Variants in ADGRV1 observed in about 807,000 individuals in gnomAD.
The protein encoded by ADGRV1 is adhesion G protein-coupled receptor V1.
ADGRV1 carries 359 observed loss-of-function variants against 596.2 expected under a neutral mutation model. The observed-to-expected ratio is 0.60, with a 90% confidence interval of 0.55 to 0.66. The LOEUF (loss-of-function observed/expected upper bound fraction) is 0.66, where lower values mean the gene tolerates loss of function less well. ADGRV1 is among the 30% of genes least tolerant of loss of function. ADGRV1 has a pLI of 0.00. For missense variants in ADGRV1, 7,274 were observed against 7,575.6 expected (o/e 0.96, Z 1.48); for synonymous variants, 2,681 against 2,679.2 (o/e 1.00, Z -0.02).
intron 77 of ADGRV1, among the ~76,000 whole-genome samples, chr5:90,837,663 G>T (rs1343652276): frequency 6.6e-6 from 1 of 151,706 alleles, no homozygotes; most frequent in South Asian, 2.1e-4. Flanking sequence ...ATTCTTCTTT[G>T]TGTTTATTAT....
intron 85 of ADGRV1, among the ~76,000 whole-genome samples, chr5:91,045,350 A>G (rs1021954143): frequency 6.6e-6 from 1 of 152,146 alleles, no homozygotes; most frequent in Non-Finnish European, 1.5e-5. Context: ...ATGATCAAGT[A>G]GGTTTCATAC....
In ADGRV1 at chr5:91,021,337, A is replaced by G. The variant is rs114492600; in HGVS notation, c.18152+35815A>G. Among the ~76,000 whole-genome samples the G allele has an allele frequency of 1.2e-3, 189 of 152,192 alleles. 1 individual carries two copies. The highest frequency in any genetic ancestry group is 4.4e-3 in the African/African-American group (183 of 41,548). On this transcript the variant is annotated intron_variant, in intron 85 of 89. Coordinates refer to ENST00000405460, the MANE Select transcript of ADGRV1 (RefSeq NM_032119.4). Reference sequence around the variant, plus strand: ...TTGAATTCTATACGGGGCCTAGCCTACTGTCTTTCCCTTGGTGGTATTATT... The same window carrying G: ...TTGAATTCTATACGGGGCCTAGCCTGCTGTCTTTCCCTTGGTGGTATTATT...
chr5:90,693,389 C>T (rs1374159436), intron 32 of ADGRV1, among the ~76,000 whole-genome samples: 1 of 152,006 alleles, frequency 6.6e-6, no homozygotes, highest in African/African-American at 2.4e-5. Flanking sequence ...ATACCTAATA[C>T]AATGTAAATG....
intron 89 of ADGRV1, among the ~76,000 whole-genome samples, chr5:91,155,602 T>G (rs193033791): frequency 6.6e-6 from 1 of 152,358 alleles, no homozygotes; most frequent in Non-Finnish European, 1.5e-5. Flanking sequence ...TAAAATGTTC[T>G]AGACCAAGGA....
chr5:90,904,127 G>A (rs1267954401), intron 83 of ADGRV1, among the ~76,000 whole-genome samples: 1 of 152,032 alleles, frequency 6.6e-6, no homozygotes, highest in Non-Finnish European at 1.5e-5. Context: ...ACTCCATTGT[G>A]TATGTGTACC....
chr5:90,633,446 T>G (rs1036794142), intron 9 of ADGRV1, among the ~76,000 whole-genome samples: 1 of 152,132 alleles, frequency 6.6e-6, no homozygotes. Context: ...GTTTAGCTCT[T>G]TTTGAATATA....
At chr5:90,788,436 A>C in intron 68 of ADGRV1, 126 bp downstream of exon 68, 1 of 915,844 alleles carries the variant, frequency 1.1e-6, no homozygotes, top group Non-Finnish European at 1.6e-6. Context: ...ATAATATCAT[A>C]ATAATTCTGA....
chr5:91,141,354 A>T (rs1795082912), intron 87 of ADGRV1, among the ~76,000 whole-genome samples: 1 of 152,240 alleles, frequency 6.6e-6, no homozygotes, highest in South Asian at 2.1e-4. Flanking sequence ...CTAGTTAATT[A>T]CTTAAACCAT....
rs1434888941 is a variant in ADGRV1 at position 90,903,779 on chromosome 5, TA to T, written c.17856+39923del. Among the ~76,000 whole-genome samples, 6 of 152,178 alleles carry T rather than the reference TA, an allele frequency of 3.9e-5. No homozygotes were observed. The East Asian group carries it at 5.8e-4, about 15-fold the overall frequency. The stretch of plus-strand genomic sequence containing the variant: ...CTTCATGTTACAAATAATGCAATTA[TA>T]TTTTTTTAGTTATTTTAAAGTATAC... On this transcript the variant is annotated intron_variant, in intron 83 of 89. Transcript: ENST00000405460.
chr5:90,568,145 C>T (rs1755893783), intron 1 of ADGRV1, among the ~76,000 whole-genome samples: 1 of 151,594 alleles, frequency 6.6e-6, no homozygotes, highest in Non-Finnish European at 1.5e-5. Flanking sequence ...TTCTTTGTTT[C>T]CTTCTGCTTG....
chr5:90,939,881 G>A (rs1776024680), intron 83 of ADGRV1, among the ~76,000 whole-genome samples: 1 of 152,116 alleles, frequency 6.6e-6, no homozygotes, highest in African/African-American at 2.4e-5. Context: ...CTGATTTCCT[G>A]GAGAGATTAA....
intron 21 of ADGRV1, among the ~76,000 whole-genome samples, chr5:90,662,154 G>C (rs923023055): frequency 6.6e-6 from 1 of 150,454 alleles, no homozygotes; most frequent in African/African-American, 2.4e-5. Flanking sequence ...TCAGCCTTTT[G>C]GCAATATTGT....
intron 73 of ADGRV1, 124 bp downstream of exon 73, chr5:90,807,861 A>G (rs16869151): frequency 0.03 from 25,523 of 864,642 alleles, 1,965 homozygotes; most frequent in East Asian, 0.29. Flanking sequence ...GTTTTAGTGT[A>G]GAGCATCACG....
intron 50 of ADGRV1, among the ~76,000 whole-genome samples, chr5:90,733,920 C>A (rs1752878333): frequency 6.6e-6 from 1 of 152,134 alleles, no homozygotes; most frequent in Non-Finnish European, 1.5e-5. Context: ...CCACCAACTT[C>A]CCATTCTCTT....
intron 83 of ADGRV1, among the ~76,000 whole-genome samples, chr5:90,911,702 T>C (rs1255893126): frequency 6.6e-6 from 1 of 152,196 alleles, no homozygotes; most frequent in African/African-American, 2.4e-5. Context: ...TTGGGTTAAA[T>C]TGTATCCCTC....
At chr5:90,998,282 TGTAC>T (rs1447456016) in intron 85 of ADGRV1, among the ~76,000 whole-genome samples, 1 of 152,236 alleles carries the variant, frequency 6.6e-6, no homozygotes, top group East Asian at 1.9e-4. Flanking sequence ...TGAGTGCTGC[TGTAC>T]TAGAATACCA....
At chr5:91,086,123 CA>C (rs1789852896) in intron 86 of ADGRV1, among the ~76,000 whole-genome samples, 1 of 152,296 alleles carries the variant, frequency 6.6e-6, no homozygotes, top group East Asian at 1.9e-4. Context: ...TGCTAACTCC[CA>C]GGTCATAGCC....
chr5:90,832,003 A>T (rs546421682), intron 77 of ADGRV1, among the ~76,000 whole-genome samples: 52 of 152,268 alleles, frequency 3.4e-4, no homozygotes, highest in African/African-American at 1.3e-3. Context: ...GTTGGTTCCA[A>T]ATCTTGACTG....
At chr5:91,133,902 G>A (rs1466128923) in intron 87 of ADGRV1, among the ~76,000 whole-genome samples, 1 of 152,014 alleles carries the variant, frequency 6.6e-6, no homozygotes, top group Non-Finnish European at 1.5e-5. Flanking sequence ...CCAAGAGGGT[G>A]CCCTTTTCAA....
Sources: gnomAD v4.1 joint callset for allele counts (sites outside exome capture counted in the v4.1 genomes callset) on GRCh38, gnomAD v4.1.1 for gene constraint, MANE v1.5 for transcripts, NCBI Gene and HGNC (gene_info 2026-07-23, HGNC 2026-07-21) for gene names.